CNTN5: variants seen among roughly 807,000 people sequenced by gnomAD.
The protein encoded by CNTN5 is contactin-5.
Under a neutral mutation model 129.1 loss-of-function variants are expected in CNTN5, and 77 were observed. The ratio of observed to expected loss-of-function variants is 0.60; its 90% CI spans 0.50 to 0.72. CNTN5 has a LOEUF of 0.72. Ranked by LOEUF, CNTN5 falls within the 30% of genes least tolerant of loss-of-function variation. The pLI, the probability that CNTN5 is intolerant of heterozygous loss-of-function variation, is 0.00. For synonymous variants in CNTN5, 509 were observed against 465.6 expected, an observed-to-expected ratio of 1.09 and a Z score of -1.20; for missense variants, 1,478 against 1,328.8, an observed-to-expected ratio of 1.11 and a Z score of -1.75.
intron 13 of CNTN5, among the ~76,000 whole-genome samples, chr11:100,113,861 T>A (rs992940932): frequency 6.6e-6 from 1 of 152,108 alleles, no homozygotes; most frequent in African/African-American, 2.4e-5. Flanking sequence ...TCACTTTTTT[T>A]AAACCTTTTA....
At chr11:99,183,191 T>C (rs988990647) in intron 1 of CNTN5, among the ~76,000 whole-genome samples, 59 of 152,176 alleles carry the variant, frequency 3.9e-4, no homozygotes, top group African/African-American at 1.4e-3. Flanking sequence ...CTTAGGCTTC[T>C]AGAAGCAACA....
At chr11:99,345,661 T>A (rs939374389) in intron 2 of CNTN5, among the ~76,000 whole-genome samples, 1 of 152,240 alleles carries the variant, frequency 6.6e-6, no homozygotes, top group Non-Finnish European at 1.5e-5. Context: ...GTGTTTTCCA[T>A]CTGAGAAGAT....
At chr11:99,412,002 C>T (rs562306813) in intron 2 of CNTN5, among the ~76,000 whole-genome samples, 3 of 152,210 alleles carry the variant, frequency 2.0e-5, no homozygotes, top group African/African-American at 7.2e-5. Flanking sequence ...ATTACTTTGA[C>T]AAACTAAGAA....
At position 99,925,382 on chromosome 11, in the gene CNTN5, C is replaced by T. The variant is rs192125539; in HGVS notation, c.673+9233C>T. 1.0e-3 allele frequency among the ~76,000 whole-genome samples: 153 copies of T among 152,272 alleles called. 2 individuals carry two copies. The East Asian group carries it at 0.014, about 14-fold the overall frequency. The stretch of plus-strand genomic sequence containing the variant: ...ATTTATAAAGTAATGAGCTATATAG[C>T]GAAGCTTAATCCTGAGCACTCAGCA... On this transcript the variant is annotated intron_variant, in intron 7 of 24. Coordinates refer to ENST00000524871, the MANE Select transcript of CNTN5 (RefSeq NM_014361.4).
At chr11:99,433,389 G>A (rs1438303568) in intron 2 of CNTN5, among the ~76,000 whole-genome samples, 9 of 51,224 alleles carry the variant, frequency 1.8e-4, no homozygotes, top group Non-Finnish European at 3.4e-4. Context: ...GTGTGTGTGT[G>A]TGTGTGTGTG....
chr11:99,445,687 A>G (rs948223677), intron 2 of CNTN5, among the ~76,000 whole-genome samples: 3 of 152,212 alleles, frequency 2.0e-5, no homozygotes, highest in African/African-American at 7.2e-5. Flanking sequence ...GGAAATGGAC[A>G]GCGTCCTCTA....
intron 3 of CNTN5, among the ~76,000 whole-genome samples, chr11:99,779,775 G>T (rs1945248925): frequency 6.6e-6 from 1 of 151,906 alleles, no homozygotes; most frequent in South Asian, 2.1e-4. Flanking sequence ...ACATCAGTTT[G>T]TGGCCAACAA....
intron 3 of CNTN5, among the ~76,000 whole-genome samples, chr11:99,666,860 G>C (rs1212689575): frequency 6.6e-6 from 1 of 152,040 alleles, no homozygotes; most frequent in Admixed American, 6.6e-5. Flanking sequence ...GTTCTCCAGG[G>C]TATTAAGATT....
At chr11:99,185,439 T>G (rs1442297631) in intron 1 of CNTN5, among the ~76,000 whole-genome samples, 4 of 151,934 alleles carry the variant, frequency 2.6e-5, no homozygotes, top group Admixed American at 1.3e-4. Flanking sequence ...ATTACTAAAA[T>G]AGACTAATTC....
chr11:99,363,062 G>A (rs1216672544), intron 2 of CNTN5, among the ~76,000 whole-genome samples: 6 of 151,926 alleles, frequency 3.9e-5, no homozygotes, highest in Admixed American at 6.6e-5. Flanking sequence ...AAAAAAATCC[G>A]TAGGATTTTG....
chr11:99,674,733 G>A (rs928712649), intron 3 of CNTN5, among the ~76,000 whole-genome samples: 1 of 152,116 alleles, frequency 6.6e-6, no homozygotes, highest in East Asian at 1.9e-4. Context: ...CCCTTCTTTA[G>A]GACTGCAGCA....
chr11:99,971,292 C>G (rs1951243863), intron 8 of CNTN5, among the ~76,000 whole-genome samples: 1 of 152,084 alleles, frequency 6.6e-6, no homozygotes, highest in Non-Finnish European at 1.5e-5. Flanking sequence ...CGCCTGTAAT[C>G]CCAGCACTTT....
intron 3 of CNTN5, among the ~76,000 whole-genome samples, chr11:99,580,961 G>A (rs1265615966): frequency 2.3e-4 from 33 of 145,182 alleles, no homozygotes; most frequent in African/African-American, 7.7e-4. Context: ...TTTCTCTTGT[G>A]GGCATTTAGT....
chr11:99,324,256 T>C (rs1865691059), intron 1 of CNTN5, among the ~76,000 whole-genome samples: 2 of 152,192 alleles, frequency 1.3e-5, no homozygotes, highest in African/African-American at 2.4e-5. Context: ...GGACTCTTGG[T>C]AGTATTTTAA....
intron 3 of CNTN5, among the ~76,000 whole-genome samples, chr11:99,709,726 A>G (rs1954894747): frequency 6.6e-6 from 1 of 151,824 alleles, no homozygotes; most frequent in Non-Finnish European, 1.5e-5. Context: ...GAAGTTTGAA[A>G]AGGATTCATT....
chr11:99,826,125 G>A (rs192973545), intron 4 of CNTN5, among the ~76,000 whole-genome samples: 3 of 152,106 alleles, frequency 2.0e-5, no homozygotes, highest in Admixed American at 1.3e-4. Context: ...TCTGGGATAA[G>A]TTCTTATTCC....
intron 2 of CNTN5, among the ~76,000 whole-genome samples, chr11:99,359,569 G>A (rs1938952452): frequency 6.7e-6 from 1 of 149,716 alleles, no homozygotes; most frequent in Admixed American, 6.7e-5. Context: ...ATTTATATAT[G>A]TAAATTACCT....
At chr11:99,437,810 G>A (rs542105410) in intron 2 of CNTN5, among the ~76,000 whole-genome samples, 3 of 152,166 alleles carry the variant, frequency 2.0e-5, no homozygotes, top group South Asian at 2.1e-4. Context: ...GCAAAAAAGC[G>A]AAACAACATC....
At chr11:99,456,664 T>A (rs1591090231) in intron 2 of CNTN5, among the ~76,000 whole-genome samples, 1 of 152,224 alleles carries the variant, frequency 6.6e-6, no homozygotes, top group Non-Finnish European at 1.5e-5. Flanking sequence ...TATTTGTTCT[T>A]TTAACATTTG....
Sources: allele counts gnomAD v4.1 joint callset (sites outside exome capture counted in the v4.1 genomes callset), GRCh38; gene constraint gnomAD v4.1.1; transcripts MANE v1.5; gene names NCBI Gene and HGNC (gene_info 2026-07-23, HGNC 2026-07-21).